Variants in EXOC4 observed in about 807,000 individuals in gnomAD.
EXOC4 encodes exocyst complex component 4, also known as SEC8-like 1.
EXOC4 carries 71 observed loss-of-function variants against 107.2 expected under a neutral mutation model. That is an observed-to-expected ratio of 0.66 (90% CI 0.55 to 0.81). The LOEUF (loss-of-function observed/expected upper bound fraction) is 0.81, where lower values mean the gene tolerates loss of function less well. Ranked by LOEUF, EXOC4 falls within the 30% of genes least tolerant of loss-of-function variation. The pLI is 0.00. For synonymous variants in EXOC4, 456 were observed against 441.2 expected, an observed-to-expected ratio of 1.03 and a Z score of -0.42; for missense variants, 1,108 against 1,189.6, an observed-to-expected ratio of 0.93 and a Z score of 1.01.
intron 14 of EXOC4, among the ~76,000 whole-genome samples, chr7:133,968,304 C>T (rs571298964): frequency 1.3e-5 from 2 of 152,140 alleles, no homozygotes; most frequent in Non-Finnish European, 2.9e-5. Flanking sequence ...ATTTGCCAGT[C>T]TGTGTCTTTT....
chr7:133,579,773 G>A (rs186595918), intron 9 of EXOC4, among the ~76,000 whole-genome samples: 6 of 149,942 alleles, frequency 4.0e-5, no homozygotes, highest in South Asian at 2.1e-4. Context: ...TGCAACCTCC[G>A]CCTCCCGGGT....
chr7:133,787,312 G>A (rs886664755), intron 10 of EXOC4, among the ~76,000 whole-genome samples: 15 of 150,232 alleles, frequency 1.0e-4, no homozygotes, highest in Admixed American at 6.0e-4. Flanking sequence ...CACCACAAGC[G>A]TGCACCACCA....
intron 10 of EXOC4, among the ~76,000 whole-genome samples, chr7:133,749,372 T>C (rs1795742930): frequency 6.6e-6 from 1 of 152,142 alleles, no homozygotes; most frequent in Non-Finnish European, 1.5e-5. Flanking sequence ...AATGAAGAAC[T>C]CTAAAAATGT....
intron 10 of EXOC4, among the ~76,000 whole-genome samples, chr7:133,808,146 A>G (rs1797124358): frequency 6.6e-6 from 1 of 152,326 alleles, no homozygotes; most frequent in Non-Finnish European, 1.5e-5. Flanking sequence ...TGGGCTCTGC[A>G]GTGATGAGCT....
intron 7 of EXOC4, among the ~76,000 whole-genome samples, chr7:133,463,257 A>T (rs1030545008): frequency 1.3e-5 from 2 of 152,166 alleles, no homozygotes; most frequent in Admixed American, 6.5e-5. Flanking sequence ...ATCCCAGGTG[A>T]TCAGAAGAAT....
At chr7:134,080,730 A>C in the EXOC4 span, among the ~76,000 whole-genome samples, 8 of 152,054 alleles carry the variant, frequency 5.3e-5, no homozygotes, top group Non-Finnish European at 1.2e-4. Context: ...GCTTGAGCCC[A>C]GGAGTTCAAG....
intron 12 of EXOC4, among the ~76,000 whole-genome samples, chr7:133,899,806 C>G (rs547401504): frequency 7.3e-6 from 1 of 136,450 alleles, no homozygotes; most frequent in South Asian, 2.3e-4. Flanking sequence ...AGTGCAGTGG[C>G]GCAATCTTGG....
intron 10 of EXOC4, among the ~76,000 whole-genome samples, chr7:133,681,863 A>G (rs1794194576): frequency 6.6e-6 from 1 of 152,158 alleles, no homozygotes; most frequent in African/African-American, 2.4e-5. Flanking sequence ...TGAAATGCTT[A>G]AAACAGCACT....
intron 9 of EXOC4, among the ~76,000 whole-genome samples, chr7:133,526,418 T>C (rs1049155693): frequency 6.6e-6 from 1 of 152,176 alleles, no homozygotes; most frequent in African/African-American, 2.4e-5. Flanking sequence ...AGAAGAAAGA[T>C]CAAATTGGCT....
chr7:133,576,500 A>G, intron 9 of EXOC4: 1 of 1,286,340 alleles, frequency 7.8e-7, no homozygotes, highest in Non-Finnish European at 1.0e-6. Context: ...TGATTTATTT[A>G]AAACGTTTTC....
At chr7:133,287,011 G>A (rs1794295094) in intron 2 of EXOC4, among the ~76,000 whole-genome samples, 1 of 152,138 alleles carries the variant, frequency 6.6e-6, no homozygotes, top group Non-Finnish European at 1.5e-5. Context: ...CCTGCCATTA[G>A]TATACTTGGT....
At chr7:133,585,030 G>A (rs918770928) in intron 9 of EXOC4, among the ~76,000 whole-genome samples, 1 of 151,954 alleles carries the variant, frequency 6.6e-6, no homozygotes, top group Non-Finnish European at 1.5e-5. Flanking sequence ...TTATTTTTTT[G>A]AATGTAAATC....
intron 17 of EXOC4, among the ~76,000 whole-genome samples, chr7:134,058,581 A>G (rs1041936270): frequency 2.0e-5 from 3 of 152,250 alleles, no homozygotes; most frequent in Non-Finnish European, 2.9e-5. Flanking sequence ...CTGAATTCCC[A>G]GATCAAATCC....
At chr7:133,266,092 T>A (rs1329320232) in intron 1 of EXOC4, among the ~76,000 whole-genome samples, 2 of 152,208 alleles carry the variant, frequency 1.3e-5, no homozygotes, top group African/African-American at 2.4e-5. Context: ...TTTCTCACAG[T>A]TCTGGAGGCT....
intron 7 of EXOC4, among the ~76,000 whole-genome samples, chr7:133,382,322 T>G (rs1050822968): frequency 6.6e-6 from 1 of 152,176 alleles, no homozygotes; most frequent in African/African-American, 2.4e-5. Context: ...CCAGCCTAGT[T>G]TCCAGTATGA....
rs67720946 is a variant in EXOC4 at position 133,941,821 on chromosome 7, T to TTCTCTCTC, written c.2206+3775_2206+3782dup. ...GTCAGGTCCCAGGCATGCTTACAGA[T>TTCTCTCTC]TCTCTCTCTCTCTCTCTCTCTCTCT... is the stretch of plus-strand genomic sequence containing the variant. On this transcript the variant is annotated intron_variant, in intron 14 of 17. Transcript: ENST00000253861. 9.2e-3 allele frequency among the ~76,000 whole-genome samples: 1,198 copies of TTCTCTCTC among 129,570 alleles called. 31 individuals carry two copies. Among genetic ancestry groups the TTCTCTCTC allele is most frequent in the African/African-American group, 0.017 (597 of 36,098 alleles). The allele number at this position is 129,570 out of a possible 152,430, so 85.0% of individuals were successfully genotyped here. A position where few individuals can be genotyped will look rare whatever the true frequency, so the allele number is the denominator to read the frequency against.
chr7:133,948,063 A>G (rs1800596964), intron 14 of EXOC4, among the ~76,000 whole-genome samples: 1 of 152,196 alleles, frequency 6.6e-6, no homozygotes, highest in Non-Finnish European at 1.5e-5. Context: ...AGCACAGCAG[A>G]GAGGAGGAGC....
At chr7:133,695,355 T>C (rs1299035807) in intron 10 of EXOC4, among the ~76,000 whole-genome samples, 1 of 152,230 alleles carries the variant, frequency 6.6e-6, no homozygotes, top group Non-Finnish European at 1.5e-5. Context: ...TATTGTAGTT[T>C]CTTTATCCAT....
intron 5 of EXOC4, among the ~76,000 whole-genome samples, chr7:133,336,102 G>A (rs1795505465): frequency 6.6e-6 from 1 of 152,174 alleles, no homozygotes; most frequent in Admixed American, 6.5e-5. Flanking sequence ...CACATTTTCA[G>A]ATGTGTGATT....
Sources: gnomAD v4.1 joint callset for allele counts (sites outside exome capture counted in the v4.1 genomes callset) on GRCh38, gnomAD v4.1.1 for gene constraint, MANE v1.5 for transcripts, NCBI Gene and HGNC (gene_info 2026-07-23, HGNC 2026-07-21) for gene names.